TSPAN12: variants seen among roughly 807,000 people sequenced by gnomAD.
TSPAN12 encodes the protein tetraspanin-12.
TSPAN12 carries 19 observed loss-of-function variants against 39.2 expected under a neutral mutation model. The ratio of observed to expected loss-of-function variants is 0.49; its 90% CI spans 0.34 to 0.71. TSPAN12 has a LOEUF of 0.71. Ranked by LOEUF, TSPAN12 falls within the 30% of genes least tolerant of loss-of-function variation. The pLI is 0.01. For missense variants in TSPAN12, 314 were observed against 359.9 expected (o/e 0.87, Z 1.03); for synonymous variants, 119 against 124.8 (o/e 0.95, Z 0.31).
Position 120,820,825 on chromosome 7 carries a change from C to A in TSPAN12, c.286-5022G>T, listed in dbSNP as rs577760623. Among the ~76,000 whole-genome samples, 12 of 152,246 alleles carry A rather than the reference C, an allele frequency of 7.9e-5. No homozygotes were observed. The East Asian group carries it at 2.3e-3, about 29-fold the overall frequency. ...AATTTCAGTATTCCCTTGGGTTTCT[C>A]TAATTTGAACCTTGAGTGTCTTATT... On this transcript the variant is annotated intron_variant, in intron 4 of 7. Transcript: ENST00000222747.
intron 2 of TSPAN12, among the ~76,000 whole-genome samples, chr7:120,855,793 C>G (rs1293343188): frequency 6.6e-6 from 1 of 152,038 alleles, no homozygotes; most frequent in Non-Finnish European, 1.5e-5. Context: ...CTGGGCAATG[C>G]CAGCCAGTCA....
intron 2 of TSPAN12, among the ~76,000 whole-genome samples, chr7:120,840,843 C>A (rs950418950): frequency 5.9e-5 from 9 of 152,166 alleles, no homozygotes; most frequent in Non-Finnish European, 1.3e-4. Flanking sequence ...CATTCTAGAG[C>A]ATCACCATTT....
At chr7:120,796,751 C>A (rs371223909) in intron 7 of TSPAN12, among the ~76,000 whole-genome samples, 6 of 152,164 alleles carry the variant, frequency 3.9e-5, no homozygotes, top group African/African-American at 1.4e-4. Flanking sequence ...TCCCTCCATA[C>A]CTTCATTGCC....
At chr7:120,815,839 C>G (rs1223079515) in intron 4 of TSPAN12, 36 bp from the exon 5 acceptor site, 1 of 1,577,138 alleles carries the variant, frequency 6.3e-7, no homozygotes, top group Non-Finnish European at 8.7e-7. Context: ...GTTATAGTAT[C>G]AGAATAAAAT....
At chr7:120,795,012 T>C (rs1036443060) in intron 7 of TSPAN12, among the ~76,000 whole-genome samples, 2 of 152,208 alleles carry the variant, frequency 1.3e-5, no homozygotes, top group Non-Finnish European at 2.9e-5. Flanking sequence ...ATAAAAAACA[T>C]AGATGTGTTT....
intron 2 of TSPAN12, among the ~76,000 whole-genome samples, chr7:120,853,827 T>C (rs545305198): frequency 2.0e-5 from 3 of 149,792 alleles, no homozygotes; most frequent in South Asian, 2.1e-4. Flanking sequence ...TGAGCTGAGA[T>C]TGCGCCACTG....
chr7:120,788,870 A>G lies in TSPAN12; in HGVS notation c.640T>C (p.Leu214=), dbSNP rs758787203. ...EGCGKKMYSF[L]RGTKQLQVLR... is the part of the protein sequence containing the mutation. The stretch of plus-strand genomic sequence containing the variant: ...ACCTGCAGTTGTTTGGTTCCTCTCA[A>G]AAAGGAATACATTTTCTTCCCACAA... The change falls in exon 8 of 8, where the codon TTG becomes CTG. Residue 214 remains leucine, a synonymous_variant. Coordinates refer to ENST00000222747, the MANE Select transcript of TSPAN12 (RefSeq NM_012338.4). 1.1e-5 allele frequency: 18 copies of G among 1,614,030 alleles called. No homozygotes were observed. The Admixed American group carries it at 2.8e-4, about 25-fold the overall frequency.
chr7:120,799,863 A>T (rs926079742), intron 7 of TSPAN12, among the ~76,000 whole-genome samples: 1 of 140,308 alleles, frequency 7.1e-6, no homozygotes, highest in Non-Finnish European at 1.5e-5. Flanking sequence ...AATAATTAAT[A>T]TGATATATTA....
intron 7 of TSPAN12, among the ~76,000 whole-genome samples, chr7:120,801,665 T>A (rs931496520): frequency 6.6e-6 from 1 of 152,196 alleles, no homozygotes; most frequent in African/African-American, 2.4e-5. Flanking sequence ...TTTGAGTCAG[T>A]CCATTTGAAG....
At chr7:120,812,036 C>CA (rs1793993613) in intron 5 of TSPAN12, among the ~76,000 whole-genome samples, 1 of 151,936 alleles carries the variant, frequency 6.6e-6, no homozygotes, top group South Asian at 2.1e-4. Flanking sequence ...ACCTGTTCCC[C>CA]AAAAACCTAT....
chr7:120,852,755 C>T (rs776857838), intron 2 of TSPAN12, among the ~76,000 whole-genome samples: 1 of 152,134 alleles, frequency 6.6e-6, no homozygotes, highest in Non-Finnish European at 1.5e-5. Context: ...TTAACTTCTA[C>T]TACACTTGGA....
In TSPAN12 at chr7:120,788,667, T is replaced by G; in HGVS notation, c.843A>C (p.Pro281=). 2 of 1,614,118 alleles carry G rather than the reference T, an allele frequency of 1.2e-6. No homozygotes were observed. The highest frequency in any genetic ancestry group is 1.7e-6 in the Non-Finnish European group (2 of 1,179,996). Reference sequence around the variant, plus strand: ...TGTGTTCAAAGATTCTTGACAGGCTTGGTTTCAACAGTTCTACTGAGGGAC... The same window carrying G: ...TGTGTTCAAAGATTCTTGACAGGCTGGGTTTCAACAGTTCTACTGAGGGAC... ...LSCPSVELLK[P]SLSRIFEHTS... The change falls in exon 8 of 8, where the codon CCA becomes CCC. Residue 281 remains proline (P), a synonymous_variant. Transcript: ENST00000222747.
In TSPAN12 at chr7:120,837,064, C is replaced by T. The variant is rs149058414; in HGVS notation, c.285+1713G>A. ...CAAGAGAGACATCATTGTAAGACTGCGTTTTAAAAAAGAATTCTGAGACTC... is the reference window on the plus strand; with the variant it reads ...CAAGAGAGACATCATTGTAAGACTGTGTTTTAAAAAAGAATTCTGAGACTC... On this transcript the variant is annotated intron_variant, in intron 4 of 7. Transcript: ENST00000222747. 2.2e-3 allele frequency among the ~76,000 whole-genome samples: 340 copies of T among 151,974 alleles called. 1 individual carries two copies. The highest frequency in any genetic ancestry group is 7.5e-3 in the African/African-American group (313 of 41,486).
At chr7:120,798,381 G>A (rs1793674441) in intron 7 of TSPAN12, among the ~76,000 whole-genome samples, 1 of 152,176 alleles carries the variant, frequency 6.6e-6, no homozygotes, top group Admixed American at 6.6e-5. Context: ...TAGAGAGACA[G>A]GAGGGAGCAT....
intron 2 of TSPAN12, among the ~76,000 whole-genome samples, chr7:120,850,976 C>T (rs1169273562): frequency 4.6e-5 from 7 of 152,190 alleles, no homozygotes; most frequent in Non-Finnish European, 1.0e-4. Flanking sequence ...AGGCATGAGA[C>T]ACCGCGTCCG....
At chr7:120,855,057 C>G (rs1461236637) in intron 2 of TSPAN12, among the ~76,000 whole-genome samples, 2 of 152,164 alleles carry the variant, frequency 1.3e-5, no homozygotes, top group Non-Finnish European at 2.9e-5. Context: ...AATTTCATTT[C>G]CAAGAGGAGT....
intron 2 of TSPAN12, among the ~76,000 whole-genome samples, chr7:120,841,938 A>G (rs1380517294): frequency 6.6e-6 from 1 of 152,176 alleles, no homozygotes; most frequent in Non-Finnish European, 1.5e-5. Flanking sequence ...AAAGCTGCAT[A>G]TTATTAACCC....
intron 2 of TSPAN12, among the ~76,000 whole-genome samples, chr7:120,851,086 C>T (rs1794761522): frequency 6.6e-6 from 1 of 152,296 alleles, no homozygotes; most frequent in African/African-American, 2.4e-5. Context: ...TTCAAAAATA[C>T]TTGAATACCA....
chr7:120,823,001 T>C (rs1296876954), intron 4 of TSPAN12, among the ~76,000 whole-genome samples: 1 of 152,154 alleles, frequency 6.6e-6, no homozygotes, highest in Non-Finnish European at 1.5e-5. Context: ...CAATCTGGAA[T>C]TGTACAGCCA....
Sources: gnomAD v4.1 joint callset for allele counts (sites outside exome capture counted in the v4.1 genomes callset) on GRCh38, gnomAD v4.1.1 for gene constraint, MANE v1.5 for transcripts, NCBI Gene and HGNC (gene_info 2026-07-23, HGNC 2026-07-21) for gene names.